CYP11A1: variants seen among roughly 807,000 people sequenced by gnomAD.
CYP11A1 encodes cholesterol side-chain cleavage enzyme, mitochondrial.
In CYP11A1, 25 loss-of-function variants were observed where a neutral mutation model predicts 51.9. The observed-to-expected ratio is 0.48, with a 90% confidence interval of 0.35 to 0.67. The LOEUF (loss-of-function observed/expected upper bound fraction) is 0.67. Ranked by LOEUF, CYP11A1 falls within the 30% of genes least tolerant of loss-of-function variation. The probability of loss-of-function intolerance (pLI) is 0.00; values close to 1 mark genes in which losing one functional copy is unlikely to be tolerated. For synonymous variants in CYP11A1, 245 were observed against 262.1 expected, an observed-to-expected ratio of 0.93 and a Z score of 0.63; for missense variants, 578 against 680.9, an observed-to-expected ratio of 0.85 and a Z score of 1.68.
At chr15:74,342,320 G>A (rs2060610813) in intron 5 of CYP11A1, among the ~76,000 whole-genome samples, 1 of 152,282 alleles carries the variant, frequency 6.6e-6, no homozygotes, top group Non-Finnish European at 1.5e-5. Context: ...CTGACCTCAT[G>A]ATCCGCCCAC....
intron 1 of CYP11A1, 97 bp downstream of exon 1, chr15:74,367,220 C>CTGTTGGG: frequency 7.3e-7 from 1 of 1,376,056 alleles, no homozygotes; most frequent in Non-Finnish European, 1.0e-6. Context: ...AGTTTGGAAC[C>CTGTTGGG]AGAGAACAGC....
intron 1 of CYP11A1, chr15:74,348,264 G>A (rs1273194803): frequency 1.7e-6 from 1 of 594,026 alleles, no homozygotes; most frequent in Non-Finnish European, 3.0e-6. Flanking sequence ...AAGACAATAG[G>A]AAGTATATGG....
intron 1 of CYP11A1, among the ~76,000 whole-genome samples, chr15:74,349,417 G>C (rs1318596115): frequency 6.6e-6 from 1 of 152,118 alleles, no homozygotes; most frequent in Non-Finnish European, 1.5e-5. Flanking sequence ...TCCTCTCATA[G>C]TGCTGCTTTA....
chr15:74,367,545 T>C lies in CYP11A1; in HGVS notation c.41A>G (p.Lys14Arg). The change falls in exon 1 of 9, where the codon AAA becomes AGA. Residue 14 changes from lysine to arginine, a missense_variant. By Grantham distance (26) the Lys-to-Arg change is conservative (BLOSUM62 2). Coordinates refer to ENST00000268053, the MANE Select transcript of CYP11A1 (RefSeq NM_000781.3). ...GGCACTCAGAAAGGTCTGGCAGCCT[T>C]TGACCAGGACTGAGCGTGGGGGAAG... ...KGLPPRSVLV[K>R]GCQTFLSAPR... The C allele has an allele frequency of 6.2e-7, 1 of 1,614,162 alleles. No homozygotes were observed. The highest frequency in any genetic ancestry group is 1.1e-5 in the South Asian group (1 of 91,080).
At chr15:74,360,389 C>T (rs1451510852) in intron 1 of CYP11A1, among the ~76,000 whole-genome samples, 3 of 152,038 alleles carry the variant, frequency 2.0e-5, no homozygotes, top group Non-Finnish European at 4.4e-5. Context: ...TCAAGCAATT[C>T]TCTGCCCTAG....
At chr15:74,353,335 T>C (rs1446356130) in intron 1 of CYP11A1, among the ~76,000 whole-genome samples, 1 of 152,232 alleles carries the variant, frequency 6.6e-6, no homozygotes. Context: ...TTAACATTTT[T>C]ATAGTTAAAG....
intron 1 of CYP11A1, among the ~76,000 whole-genome samples, chr15:74,349,784 A>G (rs1399012072): frequency 6.6e-6 from 1 of 152,140 alleles, no homozygotes; most frequent in South Asian, 2.1e-4. Flanking sequence ...GCTGCCTTTT[A>G]AAATTATATT....
At chr15:74,363,781 A>G (rs1390166244) in intron 1 of CYP11A1, 2 of 152,218 alleles carry the variant, frequency 1.3e-5, no homozygotes, top group African/African-American at 4.8e-5. Context: ...AGAAACCCAA[A>G]ATGATGGTAA....
chr15:74,361,527 C>T, intron 1 of CYP11A1: 1 of 628,184 alleles, frequency 1.6e-6, no homozygotes, highest in South Asian at 1.6e-5. Context: ...CCGTCACTGC[C>T]ACCAGGAGCC....
Position 74,345,251 on chromosome 15 carries a change from A to T in CYP11A1, c.426-8T>A. 6.2e-7 allele frequency: 1 copy of T among 1,614,096 alleles called. No homozygotes were observed. The highest frequency in any genetic ancestry group is 8.5e-7 in the Non-Finnish European group (1 of 1,180,010). The stretch of plus-strand genomic sequence containing the variant: ...TTCCAGGCTGCCGACTTCCTGAGAA[A>T]ACATGGGCCCACAAGCCCTCATGGT... On this transcript the variant is annotated splice_polypyrimidine_tract_variant and splice_region_variant and intron_variant, in intron 2 of 8. Transcript: ENST00000268053. The surrounding 1 kb of genome is among the most constrained non-coding windows in gnomAD (Gnocchi z 4.3).
chr15:74,343,307 T>G (rs936065001), intron 4 of CYP11A1, among the ~76,000 whole-genome samples, 170 bp from the exon 5 acceptor site: 3 of 152,120 alleles, frequency 2.0e-5, no homozygotes, highest in African/African-American at 4.8e-5. Context: ...TCATATCTGT[T>G]TTTTCATCGA....
chr15:74,347,451 C>A (rs2060637646), intron 2 of CYP11A1, among the ~76,000 whole-genome samples: 1 of 152,108 alleles, frequency 6.6e-6, no homozygotes, highest in Non-Finnish European at 1.5e-5. Context: ...AAAACAGTAT[C>A]CACTACACTT....
intron 2 of CYP11A1, 96 bp downstream of exon 2, chr15:74,347,804 G>T: frequency 7.4e-7 from 1 of 1,352,438 alleles, no homozygotes; most frequent in Non-Finnish European, 1.0e-6. Flanking sequence ...GGAGGCACAG[G>T]GCAAGCCTGG....
rs752667604 is a variant in CYP11A1 at position 74,348,043 on chromosome 15, G to A, written c.282C>T (p.Gly94=). ...KYGPIYREKL[G]NVESVYVIDP... ...CGATGACATAAACCGACTCCACGTT[G>A]CCGAGCTTCTCCCTGGAGGGGTGGG... Residue 94 remains glycine (G), a synonymous_variant, in exon 2 of 9, where the codon GGC becomes GGT. Coordinates refer to ENST00000268053, the MANE Select transcript of CYP11A1 (RefSeq NM_000781.3). 1 of 1,614,164 alleles carries A rather than the reference G, an allele frequency of 6.2e-7. No individual in the cohort carries two copies. The highest frequency in any genetic ancestry group is 1.1e-5 in the South Asian group (1 of 91,068).
At chr15:74,352,707 AT>A (rs1228394108) in intron 1 of CYP11A1, among the ~76,000 whole-genome samples, 1 of 152,172 alleles carries the variant, frequency 6.6e-6, no homozygotes, top group Non-Finnish European at 1.5e-5. Context: ...GAATGTAAAC[AT>A]CTGTCTCCCA....
At chr15:74,339,411 G>C in intron 6 of CYP11A1, 96 bp from the exon 7 acceptor site, 1 of 1,439,328 alleles carries the variant, frequency 6.9e-7, no homozygotes, top group South Asian at 1.1e-5. Flanking sequence ...CCTAGCTGCA[G>C]CAGCCTGGGG....
chr15:74,362,102 A>G (rs752563127), intron 1 of CYP11A1: 110 of 1,082,232 alleles, frequency 1.0e-4, no homozygotes, highest in Middle Eastern at 2.9e-4. Flanking sequence ...AGCTCAGGAC[A>G]GCACCCTCCA....
intron 1 of CYP11A1, among the ~76,000 whole-genome samples, chr15:74,359,779 G>T (rs1010547913): frequency 1.3e-5 from 2 of 152,214 alleles, no homozygotes; most frequent in East Asian, 1.9e-4. Flanking sequence ...ACAGGGACAC[G>T]CGTGAAAGAG....
At chr15:74,344,498 C>T (rs1055063051) in intron 3 of CYP11A1, among the ~76,000 whole-genome samples, 1 of 152,220 alleles carries the variant, frequency 6.6e-6, no homozygotes, top group African/African-American at 2.4e-5. Flanking sequence ...TGATTTCATA[C>T]AAAGCTCTGG....
Sources: gnomAD v4.1 joint callset for allele counts (sites outside exome capture counted in the v4.1 genomes callset) on GRCh38, gnomAD v4.1.1 for gene constraint, Gnocchi (gnomAD v3.1) non-coding constraint, MANE v1.5 for transcripts, NCBI Gene and HGNC (gene_info 2026-07-23, HGNC 2026-07-21) for gene names.